The following DDX47 variants were observed in gnomAD, a reference collection of about 807,000 sequenced individuals.
DDX47 encodes the protein DEAD-box helicase 47.
A neutral mutation model predicts 58.8 loss-of-function variants in DDX47; 60 were observed. The ratio of observed to expected loss-of-function variants is 1.02; its 90% CI spans 0.83 to 1.26. The LOEUF (loss-of-function observed/expected upper bound fraction) is 1.26. DDX47 is among the 50% of genes most tolerant of loss of function. The probability of loss-of-function intolerance (pLI) is 0.00; values close to 1 mark genes in which losing one functional copy is unlikely to be tolerated. For missense variants in DDX47, 530 were observed against 573.2 expected (o/e 0.92, Z 0.77); for synonymous variants, 197 against 204.6 (o/e 0.96, Z 0.32).
intron 3 of DDX47, 34 bp downstream of exon 3, chr12:12,821,430 C>T (rs778763371): frequency 1.9e-6 from 3 of 1,610,682 alleles, no homozygotes; most frequent in South Asian, 2.2e-5. Context: ...TCCTAGGTTG[C>T]CATCACAAGT....
At position 12,824,671 on chromosome 12, in the gene DDX47, T is replaced by C. The variant is rs754679587; in HGVS notation, c.1029T>C (p.His343=). ...TTGTCAACTTTGACATTCCTACCCA[T>C]TCCAAGGTGAGTCCTATTGCTAACT... The part of the protein sequence containing the change: ...DVVVNFDIPT[H]SKDYIHRVGR... The change falls in exon 9 of 12, where the codon CAT becomes CAC. Residue 343 remains histidine, a synonymous_variant. Transcript: ENST00000358007. The C allele has an allele frequency of 1.9e-6, 3 of 1,613,926 alleles. No homozygotes were observed. The highest frequency in any genetic ancestry group is 2.5e-6 in the Non-Finnish European group (3 of 1,179,918).
chr12:12,821,567 T>TAGA (rs1862973434), intron 3 of DDX47, 88 bp from the exon 4 acceptor site: 1 of 1,449,896 alleles, frequency 6.9e-7, no homozygotes, highest in Non-Finnish European at 9.6e-7. Flanking sequence ...CAAATCTAAG[T>TAGA]AGAAATCTGG....
intron 11 of DDX47, among the ~76,000 whole-genome samples, chr12:12,829,011 C>G (rs1863093348): frequency 1.3e-5 from 2 of 152,242 alleles, no homozygotes; most frequent in Admixed American, 1.3e-4. Flanking sequence ...TATTTACTTC[C>G]TTAGAATAAA....
chr12:12,824,523 C>G lies in DDX47; in HGVS notation c.898-17C>G, dbSNP rs765599134. ...ACATAGGTTAAGTTTTCCAACATTT[C>G]TTTTTCATTACCTCAGAGTAAGCGC... is the stretch of plus-strand genomic sequence containing the variant. On this transcript the variant is annotated splice_polypyrimidine_tract_variant and intron_variant, in intron 8 of 11. Coordinates refer to ENST00000358007, the MANE Select transcript of DDX47 (RefSeq NM_016355.4). 1.9e-6 allele frequency: 3 copies of G among 1,595,556 alleles called. No homozygotes were observed. Among genetic ancestry groups the G allele is most frequent in the Non-Finnish European group, 2.6e-6 (3 of 1,175,164 alleles).
intron 2 of DDX47, among the ~76,000 whole-genome samples, chr12:12,817,775 T>C (rs1054349039): frequency 6.6e-6 from 1 of 152,142 alleles, no homozygotes; most frequent in African/African-American, 2.4e-5. Flanking sequence ...GGAGATGACG[T>C]AGAAAAATAT....
At position 12,824,574 on chromosome 12, in the gene DDX47, C is replaced by T; in HGVS notation, c.932C>T (p.Ala311Val). The change falls in exon 9 of 12, where the codon GCC (alanine) becomes GTC (valine). Residue 311 changes from alanine to valine, a missense_variant. Coordinates refer to ENST00000358007, the MANE Select transcript of DDX47 (RefSeq NM_016355.4). ...KRLGSLNKFK[A>V]KARSILLATD... ...CTAGGATCCCTTAATAAGTTTAAGG[C>T]CAAGGCCCGTTCCATTCTTCTAGCA... 6.2e-7 allele frequency: 1 copy of T among 1,613,950 alleles called. No individual in the cohort carries two copies. The highest frequency in any genetic ancestry group is 8.5e-7 in the Non-Finnish European group (1 of 1,179,936).
intron 4 of DDX47, 79 bp from the exon 5 acceptor site, chr12:12,821,886 A>C (rs1017712906): frequency 1.2e-5 from 15 of 1,209,310 alleles, no homozygotes; most frequent in Non-Finnish European, 1.6e-5. Context: ...GGGGCAGATA[A>C]CTTTATTTGT....
intron 8 of DDX47, 90 bp downstream of exon 8, chr12:12,824,106 G>A (rs1310693407): frequency 1.4e-6 from 2 of 1,417,244 alleles, no homozygotes; most frequent in Non-Finnish European, 1.9e-6. Context: ...AGGCCATAGG[G>A]CACCGATGCC....
intron 9 of DDX47, 35 bp downstream of exon 9, chr12:12,824,712 A>T (rs957240389): frequency 6.2e-7 from 1 of 1,600,150 alleles, no homozygotes; most frequent in Admixed American, 1.7e-5. Context: ...TTCTAGTCCT[A>T]AAGTGTATTT....
chr12:12,823,629 G>A (rs1863006375), intron 7 of DDX47: 1 of 556,476 alleles, frequency 1.8e-6, no homozygotes, highest in Non-Finnish European at 3.2e-6. Flanking sequence ...CTGGTTTTGT[G>A]CTTTGATATA....
In DDX47 at chr12:12,823,335, T is replaced by G. The variant is rs1863001454; in HGVS notation, c.750+16T>G. On this transcript the variant is annotated intron_variant, in intron 7 of 11. Transcript: ENST00000358007. ...TAAATTCAAGGTAAAATGTTTACTT[T>G]GATCATTCCTGCCTCTCCCTCTTCT... The G allele has an allele frequency of 7.3e-7, 1 of 1,374,776 alleles. No individual in the cohort carries two copies. The highest frequency in any genetic ancestry group is 1.4e-5 in the African/African-American group (1 of 70,156). 85.2% of individuals were successfully genotyped at this position (1,374,776 alleles called of 1,614,324 possible). A position where few individuals can be genotyped will look rare whatever the true frequency, so the allele number is the denominator to read the frequency against.
intron 2 of DDX47, chr12:12,814,552 T>A (rs1411484962): frequency 4.6e-6 from 1 of 216,570 alleles, no homozygotes; most frequent in East Asian, 1.3e-4. Flanking sequence ...CATATGTGTG[T>A]CTTGAGGAGT....
intron 11 of DDX47, among the ~76,000 whole-genome samples, chr12:12,828,904 G>A (rs1374173814): frequency 6.6e-6 from 1 of 152,192 alleles, no homozygotes; most frequent in Non-Finnish European, 1.5e-5. Flanking sequence ...ATTCCATCAT[G>A]TGTATGAAAT....
In DDX47 at chr12:12,824,030, A is replaced by T; in HGVS notation, c.897+14A>T. 6.2e-7 allele frequency: 1 copy of T among 1,612,168 alleles called. No individual in the cohort carries two copies. The highest frequency in any genetic ancestry group is 1.3e-5 in the African/African-American group (1 of 75,008). The stretch of plus-strand genomic sequence containing the variant: ...CAAATGAGTCAGGTAAGGATTCATC[A>T]TCATCATCAGCCATGCACTGGTGGC... On this transcript the variant is annotated intron_variant, in intron 8 of 11. Transcript: ENST00000358007.
rs756759966 is a variant in DDX47 at position 12,821,388 on chromosome 12, T to G, written c.362T>G (p.Val121Gly). ...GAAGCCCTGGGGTCCTCTATTGGAG[T>G]GCAGAGTGGTAAGTGTCTGAGAGGG... Reference protein sequence around the residue: ...QFEALGSSIGVQSAVIVGGID... With the variant: ...QFEALGSSIGGQSAVIVGGID... Residue 121 changes from valine to glycine, a missense_variant, in exon 3 of 12, where the codon GTG (valine) becomes GGG (glycine). Val to Gly is a moderately radical substitution (Grantham distance 109, BLOSUM62 -3). Transcript: ENST00000358007. The G allele has an allele frequency of 6.2e-7, 1 of 1,613,980 alleles. No homozygotes were observed. Among genetic ancestry groups the G allele is most frequent in the Non-Finnish European group, 8.5e-7 (1 of 1,179,948 alleles).
intron 4 of DDX47, 23 bp from the exon 5 acceptor site, chr12:12,821,942 T>G: frequency 6.6e-7 from 1 of 1,513,250 alleles, no homozygotes. Context: ...ATGTCACTGT[T>G]TCTCCTCAAC....
rs1452867582 is a variant in DDX47 at position 12,822,724 on chromosome 12, A to G, written c.625A>G (p.Thr209Ala). 2.5e-6 allele frequency: 4 copies of G among 1,613,702 alleles called. No homozygotes were observed. Among genetic ancestry groups the G allele is most frequent in the Non-Finnish European group, 3.4e-6 (4 of 1,179,622 alleles). The change falls in exon 6 of 12, where the codon ACC becomes GCC. Residue 209 changes from threonine to alanine, a missense_variant. Physicochemically the swap from Thr to Ala is moderately conservative, Grantham distance 58. Coordinates refer to ENST00000358007, the MANE Select transcript of DDX47 (RefSeq NM_016355.4). ...AACATTCCTCTTCTCTGCCACCATG[A>G]CCAAGAAGGTGAAATTTGCTAGGAC... ...RKTFLFSATM[T>A]KKVQKLQRAA...
Position 12,826,037 on chromosome 12 carries a change from G to A in DDX47, c.1073G>A (p.Gly358Glu). ...IHRVGRTARAGRSGKAITFVT... is the reference protein window; with the variant it reads ...IHRVGRTARAERSGKAITFVT... ...CGAGTAGGTCGAACAGCTAGAGCTG[G>A]GCGCTCCGGAAAGGCTATTACTTTT... Residue 358 changes from glycine to glutamate, a missense_variant, in exon 10 of 12, where the codon GGG becomes GAG. Coordinates refer to ENST00000358007, the MANE Select transcript of DDX47 (RefSeq NM_016355.4). 1.9e-6 allele frequency: 3 copies of A among 1,613,680 alleles called. No homozygotes were observed. Among genetic ancestry groups the A allele is most frequent in the Non-Finnish European group, 2.5e-6 (3 of 1,179,802 alleles).
rs371151307 is a variant in DDX47 at position 12,829,572 on chromosome 12, C to T, written c.*18C>T. On this transcript the variant is annotated 3_prime_UTR_variant, in exon 12 of 12. Transcript: ENST00000358007. ...GCCGTTAATCACTTTTATGAAGGCT[C>T]GAGTTCTGCTGTTCTGTAAAAGAGA... The T allele has an allele frequency of 2.3e-4, 374 of 1,610,696 alleles. No individual in the cohort carries two copies. The highest frequency in any genetic ancestry group is 3.3e-4 in the Middle Eastern group (2 of 6,066).
Sources: gnomAD v4.1 joint callset for allele counts (sites outside exome capture counted in the v4.1 genomes callset) on GRCh38, gnomAD v4.1.1 for gene constraint, MANE v1.5 for transcripts, NCBI Gene and HGNC (gene_info 2026-07-23, HGNC 2026-07-21) for gene names.